HIVEP2: variants seen among roughly 807,000 people sequenced by gnomAD.
The protein encoded by HIVEP2 is transcription factor HIVEP2.
HIVEP2 carries 14 observed loss-of-function variants against 180.7 expected under a neutral mutation model. The ratio of observed to expected loss-of-function variants is 0.08; its 90% CI spans 0.05 to 0.12. The LOEUF (loss-of-function observed/expected upper bound fraction) is 0.12. Ranked by LOEUF, HIVEP2 falls within the 10% of genes least tolerant of loss-of-function variation. The pLI is 1.00. For missense variants in HIVEP2, 2,579 were observed against 3,008.5 expected (o/e 0.86, Z 3.34); for synonymous variants, 1,184 against 1,136.4 (o/e 1.04, Z -0.84).
At chr6:142,775,838 A>AG (rs1228939891) in intron 4 of HIVEP2, among the ~76,000 whole-genome samples, 7 of 151,182 alleles carry the variant, frequency 4.6e-5, no homozygotes, top group Non-Finnish European at 8.8e-5. Flanking sequence ...CATCTCAAAA[A>AG]AAAACCATAT....
At chr6:142,859,810 G>A (rs1775922358) in intron 1 of HIVEP2, among the ~76,000 whole-genome samples, 1 of 134,750 alleles carries the variant, frequency 7.4e-6, no homozygotes. Context: ...CTCCAGTCTG[G>A]GCAATAAGAG....
chr6:142,795,979 G>T (rs554793770), intron 2 of HIVEP2, among the ~76,000 whole-genome samples: 4 of 152,262 alleles, frequency 2.6e-5, no homozygotes, highest in Admixed American at 2.6e-4. Context: ...GGATAATAAA[G>T]GTGCTGGCCC....
intron 3 of HIVEP2, among the ~76,000 whole-genome samples, chr6:142,777,648 C>CAAAAAAAAAAA (rs58304452): frequency 4.0e-4 from 11 of 27,708 alleles, no homozygotes; most frequent in African/African-American, 6.9e-4. Flanking sequence ...AACTCCATCT[C>CAAAAAAAAAAA]AAAAAAAAAA....
At chr6:142,934,584 C>A (rs1027409234) in intron 1 of HIVEP2, among the ~76,000 whole-genome samples, 5 of 152,148 alleles carry the variant, frequency 3.3e-5, no homozygotes, top group Admixed American at 2.0e-4. Flanking sequence ...GTTTATAACC[C>A]TGGATTTTTC....
intron 1 of HIVEP2, among the ~76,000 whole-genome samples, chr6:142,849,443 G>C (rs1775593128): frequency 6.6e-6 from 1 of 152,150 alleles, no homozygotes; most frequent in East Asian, 1.9e-4. Context: ...GAATCCATGG[G>C]AATATGTGAA....
At chr6:142,918,711 G>A (rs182323126) in intron 1 of HIVEP2, among the ~76,000 whole-genome samples, 1 of 152,266 alleles carries the variant, frequency 6.6e-6, no homozygotes, top group East Asian at 1.9e-4. Context: ...GAATTAACAT[G>A]TTCATGTAAT....
At chr6:142,789,982 C>G (rs1312385606) in intron 2 of HIVEP2, among the ~76,000 whole-genome samples, 1 of 152,052 alleles carries the variant, frequency 6.6e-6, no homozygotes, top group Non-Finnish European at 1.5e-5. Context: ...TTTCCATAAG[C>G]AGTGCATTAT....
At position 142,943,923 on chromosome 6, in the gene HIVEP2, G is replaced by A. The variant is rs1778237914; in HGVS notation, c.-641+1176C>T. 6.6e-6 allele frequency among the ~76,000 whole-genome samples: 1 copy of A among 152,008 alleles called. No individual in the cohort carries two copies. Among genetic ancestry groups the A allele is most frequent in the East Asian group, 1.9e-4 (1 of 5,188 alleles). ...TCATCCCCAGCGCCCCCCATCCGCC[G>A]CCCACACATTATTGCTTCTCTCCTC... On this transcript the variant is annotated intron_variant, in intron 1 of 9. Coordinates refer to ENST00000367603, the MANE Select transcript of HIVEP2 (RefSeq NM_006734.4). This position sits in a 1 kb window ranked among gnomAD's most constrained non-coding sequence, Gnocchi z 4.5.
chr6:142,919,571 C>T (rs1777640842), intron 1 of HIVEP2, among the ~76,000 whole-genome samples: 1 of 152,120 alleles, frequency 6.6e-6, no homozygotes, highest in South Asian at 2.1e-4. Flanking sequence ...TGTCACAATG[C>T]AGTTTATAAT....
intron 1 of HIVEP2, among the ~76,000 whole-genome samples, chr6:142,890,436 T>C (rs914299574): frequency 4.6e-5 from 7 of 152,212 alleles, no homozygotes; most frequent in Admixed American, 2.0e-4. Flanking sequence ...GTAGAAACGA[T>C]CTTGCTTCAT....
chr6:142,784,363 C>A (rs546581025), intron 2 of HIVEP2, among the ~76,000 whole-genome samples: 1 of 152,258 alleles, frequency 6.6e-6, no homozygotes, highest in Admixed American at 6.5e-5. Flanking sequence ...ATAAGAATAA[C>A]TAAAGCATTA....
chr6:142,933,091 G>A (rs1311972186), intron 1 of HIVEP2, among the ~76,000 whole-genome samples: 1 of 152,200 alleles, frequency 6.6e-6, no homozygotes, highest in Non-Finnish European at 1.5e-5. Context: ...GATGCAGCCT[G>A]CTCAAAACCA....
At chr6:142,843,956 C>T (rs1010507019) in intron 1 of HIVEP2, among the ~76,000 whole-genome samples, 4 of 152,096 alleles carry the variant, frequency 2.6e-5, no homozygotes, top group Non-Finnish European at 4.4e-5. Context: ...ATTTAATAAT[C>T]TTCTGTTACT....
At chr6:142,938,238 C>T (rs1315896627) in intron 1 of HIVEP2, among the ~76,000 whole-genome samples, 2 of 152,186 alleles carry the variant, frequency 1.3e-5, no homozygotes, top group Non-Finnish European at 2.9e-5. Flanking sequence ...CTATACCCTT[C>T]GCTTTTGCTT....
intron 2 of HIVEP2, among the ~76,000 whole-genome samples, chr6:142,832,228 A>G (rs887203175): frequency 6.6e-6 from 1 of 151,556 alleles, no homozygotes; most frequent in Non-Finnish European, 1.5e-5. Flanking sequence ...AAACAAAAAC[A>G]AACAAAAAAA....
chr6:142,753,175 T>A lies in HIVEP2; in HGVS notation c.7273A>T (p.Ser2425Cys). ...TCTGTGCTTGAAGATAATTCCTTGC[T>A]GCTGTGAAAGTCCAACTGCTTGTCA... ...VDDKQLDFHSSKELSSSTEES... is the reference protein window; with the variant it reads ...VDDKQLDFHSCKELSSSTEES... The change falls in exon 10 of 10, where the codon AGC becomes TGC. Residue 2425 changes from serine to cysteine, a missense_variant. Physicochemically the swap from Ser to Cys is moderately radical, Grantham distance 112 (BLOSUM62 -1). Transcript: ENST00000367603. 1 of 1,613,970 alleles carries A rather than the reference T, an allele frequency of 6.2e-7. No homozygotes were observed. The highest frequency in any genetic ancestry group is 8.5e-7 in the Non-Finnish European group (1 of 1,179,788).
At chr6:142,942,369 G>T (rs1173453143) in intron 1 of HIVEP2, among the ~76,000 whole-genome samples, 1 of 151,990 alleles carries the variant, frequency 6.6e-6, no homozygotes, top group Admixed American at 6.6e-5. Flanking sequence ...GAGTCAAACA[G>T]ATCTTCTGAA....
chr6:142,876,678 T>A (rs1776446640), intron 1 of HIVEP2, among the ~76,000 whole-genome samples: 1 of 152,204 alleles, frequency 6.6e-6, no homozygotes, highest in African/African-American at 2.4e-5. Context: ...AAGGGCTAAG[T>A]ACTTTTGAAA....
In HIVEP2 at chr6:142,764,869, T is replaced by C. The variant is rs1298030753; in HGVS notation, c.5448A>G (p.Lys1816=). 1 of 1,613,902 alleles carries C rather than the reference T, an allele frequency of 6.2e-7. No individual in the cohort carries two copies. Among genetic ancestry groups the C allele is most frequent in the Admixed American group, 1.7e-5 (1 of 60,008 alleles). The change falls in exon 7 of 10, where the codon AAA becomes AAG. Residue 1816 remains lysine, a synonymous_variant. Coordinates refer to ENST00000367603, the MANE Select transcript of HIVEP2 (RefSeq NM_006734.4). ...IRCKKPSMLK[K]HIRTHTDVRP... ...GAACATCAGTATGGGTACGGATGTG[T>C]TTTTTGAGCATGCTTGGCTTCTTAC...
Sources: allele counts gnomAD v4.1 joint callset (sites outside exome capture counted in the v4.1 genomes callset), GRCh38; gene constraint gnomAD v4.1.1; non-coding constraint Gnocchi (gnomAD v3.1); transcripts MANE v1.5; gene names NCBI Gene and HGNC (gene_info 2026-07-23, HGNC 2026-07-21).